DPP6: variants seen among roughly 807,000 people sequenced by gnomAD.
DPP6 encodes the protein dipeptidyl peptidase like 6, also known as A-type potassium channel modulatory protein DPP6.
In DPP6, 69 loss-of-function variants were observed where a neutral mutation model predicts 122.6. The ratio of observed to expected loss-of-function variants is 0.56; its 90% CI spans 0.46 to 0.69. The LOEUF (loss-of-function observed/expected upper bound fraction) is 0.69. Among genes scored for constraint, DPP6 ranks in the 30% least tolerant of loss-of-function variants. The probability of loss-of-function intolerance (pLI) is 0.00; values close to 1 mark genes in which losing one functional copy is unlikely to be tolerated. For synonymous variants in DPP6, 418 were observed against 433.1 expected (o/e 0.97, Z 0.43); for missense variants, 928 against 1,116.9 (o/e 0.83, Z 2.41).
intron 1 of DPP6, among the ~76,000 whole-genome samples, chr7:154,232,588 G>A (rs898816398): frequency 6.6e-6 from 1 of 152,208 alleles, no homozygotes; most frequent in African/African-American, 2.4e-5. Flanking sequence ...AGAACCAATG[G>A]CCCTGTTAGA....
Position 154,574,483 on chromosome 7 carries a change from GTGTA to G in DPP6, c.627+7571_627+7574del, listed in dbSNP as rs1209352598. ...TGGTACGTGTATATGTGTGTGGTGT[GTGTA>G]TGTGTATGTGGTGTGTGTATGTGTG... On this transcript the variant is annotated intron_variant, in intron 5 of 25. Coordinates refer to ENST00000377770, the MANE Select transcript of DPP6 (RefSeq NM_130797.4). Among the ~76,000 whole-genome samples the G allele has an allele frequency of 6.6e-5, 9 of 135,824 alleles. No homozygotes were observed. The Admixed American group carries it at 6.7e-4, about 10-fold the overall frequency. The allele number at this position is 135,824 out of a possible 152,430, so 89.1% of individuals were successfully genotyped here.
intron 16 of DPP6, among the ~76,000 whole-genome samples, chr7:154,837,711 G>A (rs970862873): frequency 6.6e-6 from 1 of 152,178 alleles, no homozygotes; most frequent in Non-Finnish European, 1.5e-5. Context: ...TTTGTGTTCC[G>A]CTTTCAACTT....
At chr7:154,626,371 C>T (rs1835067199) in intron 5 of DPP6, among the ~76,000 whole-genome samples, 1 of 152,180 alleles carries the variant, frequency 6.6e-6, no homozygotes, top group Non-Finnish European at 1.5e-5. Context: ...TTGTTCATCT[C>T]CTAAATGTAA....
intron 8 of DPP6, among the ~76,000 whole-genome samples, chr7:154,738,792 C>T (rs1210246085): frequency 6.6e-6 from 1 of 152,214 alleles, no homozygotes; most frequent in Non-Finnish European, 1.5e-5. Flanking sequence ...GCCAGCATTC[C>T]CTTCCATAAA....
Position 154,655,955 on chromosome 7 carries a change from C to T in DPP6, c.681-13405C>T, listed in dbSNP as rs1377074557. On this transcript the variant is annotated intron_variant, in intron 6 of 25. Transcript: ENST00000377770. ...CTGGGAAATGAAGGGACATTCGCTTCCTAGGGCTGCGGTGAGAAATCGCCA... is the reference window on the plus strand; with the variant it reads ...CTGGGAAATGAAGGGACATTCGCTTTCTAGGGCTGCGGTGAGAAATCGCCA... Among the ~76,000 whole-genome samples the T allele has an allele frequency of 2.6e-5, 4 of 152,092 alleles. 1 individual carries two copies. Among genetic ancestry groups the T allele is most frequent in the Non-Finnish European group, 5.9e-5 (4 of 68,036 alleles).
intron 1 of DPP6, among the ~76,000 whole-genome samples, chr7:154,071,893 G>A (rs964625790): frequency 7.2e-5 from 11 of 152,120 alleles, no homozygotes; most frequent in Non-Finnish European, 1.2e-4. Context: ...AGCTAAATTA[G>A]TCTAAAATCT....
At chr7:153,821,933 A>G in the DPP6 span, among the ~76,000 whole-genome samples, 37 of 152,196 alleles carry the variant, frequency 2.4e-4, 1 homozygote, top group East Asian at 6.0e-3. Context: ...CATTGGTCAT[A>G]TTTATACAGC....
chr7:154,735,246 G>A (rs2131390410), intron 8 of DPP6, among the ~76,000 whole-genome samples: 1 of 152,180 alleles, frequency 6.6e-6, no homozygotes. Flanking sequence ...CACACCCTTA[G>A]TTGCCACTGA....
At position 154,601,356 on chromosome 7, in the gene DPP6, C is replaced by G. The variant is rs1833403468; in HGVS notation, c.627+34440C>G. On this transcript the variant is annotated intron_variant, in intron 5 of 25. Transcript: ENST00000377770. ...TGTCTAGTTCTCTTTTCAAATCTGT[C>G]ACGTTTTGCTTAGTAAATATTGAAG... Among the ~76,000 whole-genome samples the G allele has an allele frequency of 1.7e-5, 2 of 121,188 alleles. 1 individual carries two copies. Among genetic ancestry groups the G allele is most frequent in the Non-Finnish European group, 3.7e-5 (2 of 53,750 alleles). 79.5% of individuals were successfully genotyped at this position (121,188 alleles called of 152,430 possible). A position where few individuals can be genotyped will look rare whatever the true frequency, so the allele number is the denominator to read the frequency against.
intron 3 of DPP6, among the ~76,000 whole-genome samples, chr7:154,503,009 A>C (rs1347652151): frequency 1.3e-5 from 2 of 152,218 alleles, no homozygotes; most frequent in Non-Finnish European, 2.9e-5. Context: ...CTATCTGGTC[A>C]ACAGCAGAAT....
At chr7:153,869,848 G>A in the DPP6 span, among the ~76,000 whole-genome samples, 2 of 152,042 alleles carry the variant, frequency 1.3e-5, no homozygotes, top group Admixed American at 1.3e-4. Flanking sequence ...CAGGCCTGGT[G>A]GTGACAAAAT....
chr7:153,917,305 A>C (rs1470804205), intron 1 of DPP6, among the ~76,000 whole-genome samples: 1 of 152,244 alleles, frequency 6.6e-6, no homozygotes, highest in Non-Finnish European at 1.5e-5. Flanking sequence ...TTCTGGGAGC[A>C]GAGGCCTGCT....
At chr7:153,812,331 GA>G in the DPP6 span, among the ~76,000 whole-genome samples, 2 of 151,918 alleles carry the variant, frequency 1.3e-5, no homozygotes, top group Non-Finnish European at 1.5e-5. Context: ...CACATCTGAG[GA>G]AATGTAAATA....
chr7:154,424,260 G>C (rs1817712656), intron 1 of DPP6, among the ~76,000 whole-genome samples: 1 of 152,160 alleles, frequency 6.6e-6, no homozygotes, highest in African/African-American at 2.4e-5. Context: ...TGATGTATTT[G>C]TTTTCGCTTA....
intron 2 of DPP6, among the ~76,000 whole-genome samples, chr7:154,468,344 A>T (rs1346970190): frequency 6.6e-6 from 1 of 152,210 alleles, no homozygotes; most frequent in Non-Finnish European, 1.5e-5. Context: ...GCTAATTGTT[A>T]TGCTAATCTT....
intron 1 of DPP6, among the ~76,000 whole-genome samples, chr7:154,444,692 A>G (rs1052745226): frequency 3.3e-5 from 5 of 152,226 alleles, no homozygotes; most frequent in Admixed American, 6.5e-5. Flanking sequence ...GATTCCTGCT[A>G]GTCACAGACT....
intron 1 of DPP6, among the ~76,000 whole-genome samples, chr7:154,189,365 C>T (rs1286701749): frequency 2.0e-5 from 3 of 152,308 alleles, no homozygotes; most frequent in Admixed American, 6.5e-5. Context: ...GCTGGTAATA[C>T]CCCTACGTAG....
In DPP6 at chr7:154,605,914, T is replaced by C. The variant is rs1311035914; in HGVS notation, c.628-31907T>C. On this transcript the variant is annotated intron_variant, in intron 5 of 25. Transcript: ENST00000377770. ...CATTCAATGCTAAATATTTCATATTTTGCATTATAATTTTTTACTCATGTG... is the reference window on the plus strand; with the variant it reads ...CATTCAATGCTAAATATTTCATATTCTGCATTATAATTTTTTACTCATGTG... Among the ~76,000 whole-genome samples, 3 of 120,304 alleles carry C rather than the reference T, an allele frequency of 2.5e-5. 1 individual carries two copies. Among genetic ancestry groups the C allele is most frequent in the Non-Finnish European group, 5.6e-5 (3 of 53,322 alleles). 78.9% of individuals were successfully genotyped at this position (120,304 alleles called of 152,430 possible).
At chr7:154,767,659 G>A (rs1044432760) in intron 8 of DPP6, among the ~76,000 whole-genome samples, 2 of 152,144 alleles carry the variant, frequency 1.3e-5, no homozygotes, top group Non-Finnish European at 2.9e-5. Context: ...TGCTAGAGGC[G>A]GCTGTTGTGC....
Sources: allele counts gnomAD v4.1 joint callset (sites outside exome capture counted in the v4.1 genomes callset), GRCh38; gene constraint gnomAD v4.1.1; transcripts MANE v1.5; gene names NCBI Gene and HGNC (gene_info 2026-07-23, HGNC 2026-07-21).